Variants in UGGT2 observed in about 807,000 individuals in gnomAD.
UGGT2 encodes the protein UDP-glucose glycoprotein glucosyltransferase 2.
A neutral mutation model predicts 192.1 loss-of-function variants in UGGT2; 180 were observed. The observed-to-expected ratio is 0.94, with a 90% CI of 0.83 to 1.06. The LOEUF is 1.06. UGGT2 is among the 50% of genes least tolerant of loss of function. The pLI is 0.00. For missense variants in UGGT2, 1,849 were observed against 1,795.7 expected (o/e 1.03, Z -0.54); for synonymous variants, 580 against 591.0 (o/e 0.98, Z 0.27).
At chr13:95,984,299 C>A (rs2051222412) in intron 9 of UGGT2, among the ~76,000 whole-genome samples, 1 of 152,078 alleles carries the variant, frequency 6.6e-6, no homozygotes, top group Admixed American at 6.6e-5. Context: ...GGCTTTACAT[C>A]ACTCACTCTT....
chr13:95,821,167 T>C (rs1885473093), intron 38 of UGGT2, among the ~76,000 whole-genome samples: 2 of 152,168 alleles, frequency 1.3e-5, no homozygotes, highest in Non-Finnish European at 2.9e-5. Flanking sequence ...GTCTCCATAC[T>C]GTTTTCCATA....
chr13:95,953,476 G>C (rs1029290779), intron 12 of UGGT2, among the ~76,000 whole-genome samples: 4 of 152,188 alleles, frequency 2.6e-5, no homozygotes, highest in African/African-American at 9.7e-5. Flanking sequence ...CGGGAGTGCA[G>C]AAGGGAGGAC....
chr13:95,956,253 A>G (rs2140663731), intron 12 of UGGT2, among the ~76,000 whole-genome samples: 1 of 152,326 alleles, frequency 6.6e-6, no homozygotes, highest in East Asian at 1.9e-4. Context: ...CCAGAAATAA[A>G]TCTGCATTTA....
chr13:95,912,601 T>C (rs1024115402), intron 20 of UGGT2, among the ~76,000 whole-genome samples: 2 of 152,198 alleles, frequency 1.3e-5, no homozygotes, highest in Non-Finnish European at 2.9e-5. Context: ...CACAAACAAA[T>C]GGAAGAATAT....
chr13:96,040,578 C>T (rs2053135721), intron 1 of UGGT2, among the ~76,000 whole-genome samples: 2 of 152,168 alleles, frequency 1.3e-5, no homozygotes, highest in African/African-American at 4.8e-5. Flanking sequence ...CAACCTACTA[C>T]AGATGCCCCT....
chr13:95,952,233 C>CAA (rs953511222), intron 12 of UGGT2, among the ~76,000 whole-genome samples: 1 of 151,598 alleles, frequency 6.6e-6, no homozygotes, highest in African/African-American at 2.4e-5. Context: ...AAGAAATTAA[C>CAA]AAAAAAAGAT....
rs138463601 is a variant in UGGT2, at chr13:95,968,705, A to C, written c.1335+1407T>G. ...GCACCATGCTTCCTATAAACCCTGC[A>C]GAACTGTAAGTCAAGTAAACTTCTT... On this transcript the variant is annotated intron_variant, in intron 12 of 38. Transcript: ENST00000376747. 4.7e-4 allele frequency among the ~76,000 whole-genome samples: 72 copies of C among 152,336 alleles called. 1 individual carries two copies. The highest frequency in any genetic ancestry group is 1.6e-3 in the African/African-American group (67 of 41,586).
At chr13:95,842,610 G>A (rs1887983257) in intron 36 of UGGT2, among the ~76,000 whole-genome samples, 1 of 152,030 alleles carries the variant, frequency 6.6e-6, no homozygotes, top group Non-Finnish European at 1.5e-5. Context: ...AACAGAATAT[G>A]GCAAAACTAA....
intron 4 of UGGT2, 46 bp downstream of exon 4, chr13:96,022,994 T>TC: frequency 7.2e-7 from 1 of 1,390,964 alleles, no homozygotes; most frequent in Non-Finnish European, 9.6e-7. Context: ...TATTGAACTC[T>TC]CCTCTCTATA....
intron 21 of UGGT2, among the ~76,000 whole-genome samples, chr13:95,901,685 G>C (rs140276980): frequency 6.6e-6 from 1 of 152,140 alleles, no homozygotes; most frequent in Non-Finnish European, 1.5e-5. Flanking sequence ...ATGGTTATGC[G>C]GCTTTCAAAA....
chr13:95,841,318 T>C (rs967111740), intron 36 of UGGT2, among the ~76,000 whole-genome samples: 13 of 152,360 alleles, frequency 8.5e-5, no homozygotes, highest in African/African-American at 2.4e-4. Context: ...TATTGAGTTA[T>C]GGGAGTTCTT....
chr13:95,967,360 C>T (rs1269717843), intron 12 of UGGT2, among the ~76,000 whole-genome samples: 5 of 150,896 alleles, frequency 3.3e-5, no homozygotes, highest in Admixed American at 1.3e-4. Context: ...ACCATTTTGG[C>T]CAGGATGGTC....
At chr13:95,840,696 A>C (rs947726964) in intron 36 of UGGT2, among the ~76,000 whole-genome samples, 1 of 152,166 alleles carries the variant, frequency 6.6e-6, no homozygotes, top group Admixed American at 6.5e-5. Context: ...CAATCCCACT[A>C]CTGGGTATAT....
At chr13:95,991,753 C>T (rs184479021) in intron 7 of UGGT2, among the ~76,000 whole-genome samples, 2 of 152,158 alleles carry the variant, frequency 1.3e-5, no homozygotes, top group East Asian at 3.9e-4. Flanking sequence ...CATATTTAAT[C>T]ATCATCTTAA....
intron 34 of UGGT2, 109 bp from the exon 35 acceptor site, chr13:95,854,584 ATTGTCCTCACAGTGC>A: frequency 2.1e-6 from 2 of 954,374 alleles, no homozygotes; most frequent in Non-Finnish European, 2.9e-6. Context: ...AAAGAGCTGT[ATTGTCCTCACAGTGC>A]TTTCATGTAA....
At chr13:95,958,195 A>G (rs2050270674) in intron 12 of UGGT2, among the ~76,000 whole-genome samples, 1 of 151,654 alleles carries the variant, frequency 6.6e-6, no homozygotes. Flanking sequence ...TCTGTCGCCC[A>G]GGCTGGAATG....
chr13:95,837,223 A>G, intron 36 of UGGT2, 21 bp from the exon 37 acceptor site: 2 of 1,535,570 alleles, frequency 1.3e-6, no homozygotes, highest in Non-Finnish European at 1.8e-6. Flanking sequence ...TTGTGATTTA[A>G]TCATAGACGT....
intron 36 of UGGT2, among the ~76,000 whole-genome samples, chr13:95,840,364 C>G (rs1887735364): frequency 6.6e-6 from 1 of 152,024 alleles, no homozygotes; most frequent in Admixed American, 6.6e-5. Flanking sequence ...AAAACAACCC[C>G]ATCAAAAAGT....
chr13:95,902,467 A>G (rs1227408914), intron 21 of UGGT2, among the ~76,000 whole-genome samples: 1 of 152,096 alleles, frequency 6.6e-6, no homozygotes, highest in African/African-American at 2.4e-5. Flanking sequence ...ATAAACGATC[A>G]ATATGTATTT....
Sources: allele counts gnomAD v4.1 joint callset (sites outside exome capture counted in the v4.1 genomes callset), GRCh38; gene constraint gnomAD v4.1.1; transcripts MANE v1.5; gene names NCBI Gene and HGNC (gene_info 2026-07-23, HGNC 2026-07-21).